MAGI2: variants seen among roughly 807,000 people sequenced by gnomAD.
MAGI2 encodes membrane-associated guanylate kinase, WW and PDZ domain-containing protein 2.
MAGI2 carries 35 observed loss-of-function variants against 133.3 expected under a neutral mutation model. The observed-to-expected ratio is 0.26, with a 90% CI of 0.20 to 0.35. The LOEUF is 0.35. Ranked by LOEUF, MAGI2 falls within the 10% of genes least tolerant of loss-of-function variation. The pLI, the probability that MAGI2 is intolerant of heterozygous loss-of-function variation, is 1.00. For missense variants in MAGI2, 1,636 were observed against 1,863.4 expected (o/e 0.88, Z 2.25); for synonymous variants, 729 against 710.6 (o/e 1.03, Z -0.41).
intron 3 of MAGI2, among the ~76,000 whole-genome samples, chr7:78,609,879 C>G (rs1182005176): frequency 6.6e-6 from 1 of 152,112 alleles, no homozygotes; most frequent in Admixed American, 6.5e-5. Context: ...CTCTCTTAGC[C>G]TCTTGAATTA....
chr7:78,737,064 T>A (rs1325653319), intron 2 of MAGI2, among the ~76,000 whole-genome samples: 1 of 152,154 alleles, frequency 6.6e-6, no homozygotes, highest in Admixed American at 6.5e-5. Flanking sequence ...TTGGCAGACA[T>A]TTTCTTGAAG....
At chr7:79,368,847 C>CAAAAAAA (rs71095400) in intron 1 of MAGI2, among the ~76,000 whole-genome samples, 19 of 75,350 alleles carry the variant, frequency 2.5e-4, no homozygotes, top group Non-Finnish European at 5.0e-4. Context: ...GACTCCGTCT[C>CAAAAAAA]AAAAAAAAAA....
chr7:78,162,694 C>T (rs1825194292), intron 15 of MAGI2, among the ~76,000 whole-genome samples: 1 of 152,082 alleles, frequency 6.6e-6, no homozygotes, highest in South Asian at 2.1e-4. Flanking sequence ...GGATACTTTT[C>T]TATTGCCTTT....
chr7:78,248,340 A>G (rs1392503153), intron 10 of MAGI2, among the ~76,000 whole-genome samples: 1 of 152,210 alleles, frequency 6.6e-6, no homozygotes, highest in Non-Finnish European at 1.5e-5. Context: ...GAATAATTCA[A>G]TACTGTTATG....
rs141049087 is a variant in MAGI2 at position 78,963,697 on chromosome 7, G to A, written c.418+43393C>T. ...CTGAAAGCTTGGCTTAATGCAAGAC[G>A]CTCCATATATATATATTCTCCTTTT... is the stretch of plus-strand genomic sequence containing the variant. On this transcript the variant is annotated intron_variant, in intron 2 of 21. Transcript: ENST00000354212. Among the ~76,000 whole-genome samples the A allele has an allele frequency of 6.6e-3, 995 of 151,764 alleles. 7 individuals carry two copies. The highest frequency in any genetic ancestry group is 9.6e-3 in the Non-Finnish European group (655 of 67,910).
intron 1 of MAGI2, among the ~76,000 whole-genome samples, chr7:79,329,085 A>G (rs1839892392): frequency 6.6e-6 from 1 of 152,228 alleles, no homozygotes; most frequent in African/African-American, 2.4e-5. Flanking sequence ...AGAACCACTG[A>G]TATAATCCAG....
intron 12 of MAGI2, among the ~76,000 whole-genome samples, chr7:78,190,218 T>C (rs1828073738): frequency 6.6e-6 from 1 of 152,328 alleles, no homozygotes; most frequent in Non-Finnish European, 1.5e-5. Context: ...TCTAACTTTC[T>C]GGGTTTGGAA....
At chr7:78,922,372 GT>G (rs1307222579) in intron 2 of MAGI2, among the ~76,000 whole-genome samples, 2 of 151,136 alleles carry the variant, frequency 1.3e-5, no homozygotes, top group African/African-American at 4.9e-5. Context: ...TCCCCAGAGT[GT>G]GATGTTCTCC....
intron 2 of MAGI2, among the ~76,000 whole-genome samples, chr7:78,950,025 C>T (rs1472516544): frequency 6.6e-6 from 1 of 152,144 alleles, no homozygotes; most frequent in Non-Finnish European, 1.5e-5. Flanking sequence ...CCTTAGAACT[C>T]ATCTGTAGTC....
At chr7:78,371,710 GT>G (rs758511361) in intron 6 of MAGI2, among the ~76,000 whole-genome samples, 18 of 152,098 alleles carry the variant, frequency 1.2e-4, no homozygotes, top group Admixed American at 3.3e-4. Flanking sequence ...TTATCATGCA[GT>G]CCTCATCAGA....
At chr7:79,144,588 T>A (rs1246147931) in intron 1 of MAGI2, among the ~76,000 whole-genome samples, 1 of 152,204 alleles carries the variant, frequency 6.6e-6, no homozygotes, top group Non-Finnish European at 1.5e-5. Flanking sequence ...TTACCCAGTT[T>A]CAGCTATTTC....
chr7:78,620,372 T>C (rs1807597805), intron 3 of MAGI2, among the ~76,000 whole-genome samples: 2 of 152,028 alleles, frequency 1.3e-5, no homozygotes, highest in Admixed American at 1.3e-4. Context: ...TTTTAGCTAG[T>C]AAAATGAAAT....
Position 78,167,902 on chromosome 7 carries a change from C to A in MAGI2, c.2596+14G>T, listed in dbSNP as rs1322934172. The A allele has an allele frequency of 1.2e-6, 2 of 1,610,242 alleles. No homozygotes were observed. The highest frequency in any genetic ancestry group is 3.3e-5 in the Admixed American group (2 of 59,962). On this transcript the variant is annotated intron_variant, in intron 15 of 21. Transcript: ENST00000354212. ...CCTAACCCTCGATTCCTGCAGCAGG[C>A]TCCAGGTACATACCTCCACATAGCA...
chr7:79,013,218 CA>C (rs11306658), intron 1 of MAGI2, among the ~76,000 whole-genome samples: 102,568 of 152,036 alleles, frequency 0.67, 34,775 homozygotes, highest in Non-Finnish European at 0.7. Flanking sequence ...TTATAGTTTA[CA>C]AATTAGCTAT....
At chr7:78,590,775 T>C (rs1033857047) in intron 3 of MAGI2, among the ~76,000 whole-genome samples, 5 of 152,218 alleles carry the variant, frequency 3.3e-5, no homozygotes, top group Non-Finnish European at 5.9e-5. Context: ...CTGTGGTGAC[T>C]GATTCTACTA....
At chr7:78,647,520 A>G (rs1264056669) in intron 2 of MAGI2, among the ~76,000 whole-genome samples, 1 of 152,224 alleles carries the variant, frequency 6.6e-6, no homozygotes, top group African/African-American at 2.4e-5. Flanking sequence ...GATGTGGAGA[A>G]ATAGGAACGC....
chr7:79,410,951 A>T (rs1846100096), intron 1 of MAGI2: 1 of 152,142 alleles, frequency 6.6e-6, no homozygotes, highest in Admixed American at 6.6e-5. Flanking sequence ...ATTCTGATGG[A>T]ATCAGCTCAT....
At chr7:79,406,150 T>C (rs959345098) in intron 1 of MAGI2, among the ~76,000 whole-genome samples, 2 of 152,028 alleles carry the variant, frequency 1.3e-5, no homozygotes, top group African/African-American at 4.8e-5. Context: ...TCCGGGTTGA[T>C]AGGTTTTTTT....
intron 20 of MAGI2, among the ~76,000 whole-genome samples, chr7:78,113,211 T>TTGTGATGA (rs1819532714): frequency 6.6e-6 from 1 of 152,094 alleles, no homozygotes; most frequent in Non-Finnish European, 1.5e-5. Flanking sequence ...GATGAGGGTC[T>TTGTGATGA]GATCTTTAAT....
Sources: allele counts gnomAD v4.1 joint callset (sites outside exome capture counted in the v4.1 genomes callset), GRCh38; gene constraint gnomAD v4.1.1; transcripts MANE v1.5; gene names NCBI Gene and HGNC (gene_info 2026-07-23, HGNC 2026-07-21).